ATRNL1: variants seen among roughly 807,000 people sequenced by gnomAD.
ATRNL1 encodes the protein attractin like 1, also known as attractin-like protein 1.
ATRNL1 carries 95 observed loss-of-function variants against 182.7 expected under a neutral mutation model. The observed-to-expected ratio is 0.52, with a 90% CI of 0.44 to 0.62. The LOEUF (loss-of-function observed/expected upper bound fraction) is 0.62. Ranked by LOEUF, ATRNL1 falls within the 20% of genes least tolerant of loss-of-function variation. The pLI, the probability that ATRNL1 is intolerant of heterozygous loss-of-function variation, is 0.00. For missense variants in ATRNL1, 1,471 were observed against 1,679.5 expected (o/e 0.88, Z 2.17); for synonymous variants, 576 against 568.3 (o/e 1.01, Z -0.19).
At chr10:115,146,666 C>G (rs1275321066) in intron 5 of ATRNL1, among the ~76,000 whole-genome samples, 1 of 152,060 alleles carries the variant, frequency 6.6e-6, no homozygotes, top group African/African-American at 2.4e-5. Flanking sequence ...TATTCTATAC[C>G]TCCATGAGAT....
chr10:115,813,165 A>T (rs1555087519), intron 27 of ATRNL1, among the ~76,000 whole-genome samples: 3 of 152,072 alleles, frequency 2.0e-5, no homozygotes, highest in Non-Finnish European at 4.4e-5. Flanking sequence ...GCACAACAAC[A>T]TGGCACATGT....
At chr10:115,305,341 T>A (rs1370178683) in intron 17 of ATRNL1, among the ~76,000 whole-genome samples, 3 of 152,310 alleles carry the variant, frequency 2.0e-5, no homozygotes, top group Non-Finnish European at 4.4e-5. Context: ...GTTCATTTGT[T>A]CCTTCAGGCT....
chr10:115,122,378 G>A (rs781840829), intron 3 of ATRNL1, among the ~76,000 whole-genome samples: 17 of 151,696 alleles, frequency 1.1e-4, no homozygotes, highest in East Asian at 9.6e-4. Context: ...ATCTTTTCTT[G>A]TGTATGTTTA....
chr10:115,732,539 CTA>C (rs1947829611), intron 27 of ATRNL1, among the ~76,000 whole-genome samples: 1 of 152,198 alleles, frequency 6.6e-6, no homozygotes, highest in Non-Finnish European at 1.5e-5. Flanking sequence ...TTTACATACA[CTA>C]TCTCAATCTC....
At chr10:115,792,093 A>G (rs1468436186) in intron 27 of ATRNL1, among the ~76,000 whole-genome samples, 1 of 152,106 alleles carries the variant, frequency 6.6e-6, no homozygotes, top group Non-Finnish European at 1.5e-5. Flanking sequence ...TTCACAGATG[A>G]TCTCACTTTG....
At chr10:115,578,804 A>AG (rs1555006239) in intron 26 of ATRNL1, among the ~76,000 whole-genome samples, 1 of 151,318 alleles carries the variant, frequency 6.6e-6, no homozygotes, top group East Asian at 1.9e-4. Context: ...TAGTTTCTTG[A>AG]GGTGAGGTAT....
At chr10:115,160,251 G>T in intron 6 of ATRNL1, 37 bp downstream of exon 6, 2 of 1,539,138 alleles carry the variant, frequency 1.3e-6, no homozygotes, top group African/African-American at 1.4e-5. Flanking sequence ...TGTTTTTTAA[G>T]CTGGATTTTT....
At position 115,153,743 on chromosome 10, in the gene ATRNL1, T is replaced by C. The variant is rs1169027867; in HGVS notation, c.830-6297T>C. Among the ~76,000 whole-genome samples, 5 of 152,272 alleles carry C rather than the reference T, an allele frequency of 3.3e-5. 1 individual carries two copies. The highest frequency in any genetic ancestry group is 1.2e-4 in the African/African-American group (5 of 41,554). On this transcript the variant is annotated intron_variant, in intron 5 of 28. Coordinates refer to ENST00000355044, the MANE Select transcript of ATRNL1 (RefSeq NM_207303.4). The stretch of plus-strand genomic sequence containing the variant: ...TTCAGTTCTGCTCTGATCTTAGTTA[T>C]TTCTTGTCTTCTGCTAGCTTTTGAA...
intron 14 of ATRNL1, among the ~76,000 whole-genome samples, chr10:115,282,300 C>T (rs1852404976): frequency 6.7e-6 from 1 of 148,568 alleles, no homozygotes; most frequent in Non-Finnish European, 1.5e-5. Flanking sequence ...GGTACATGTG[C>T]ACAATGTGCA....
intron 15 of ATRNL1, among the ~76,000 whole-genome samples, chr10:115,298,230 T>G (rs1853303061): frequency 6.6e-6 from 1 of 152,152 alleles, no homozygotes; most frequent in Non-Finnish European, 1.5e-5. Context: ...TATAGAGATA[T>G]CTTGGGTCAA....
intron 26 of ATRNL1, among the ~76,000 whole-genome samples, chr10:115,596,868 G>T (rs1265213067): frequency 6.6e-6 from 1 of 151,762 alleles, no homozygotes; most frequent in East Asian, 1.9e-4. Context: ...TTATCAAATA[G>T]GACTAGTTAT....
intron 28 of ATRNL1, among the ~76,000 whole-genome samples, chr10:115,901,526 T>TTTTTTG (rs1370522892): frequency 5.4e-4 from 82 of 152,200 alleles, no homozygotes; most frequent in Non-Finnish European, 1.1e-3. Context: ...GGGTTTTTTG[T>TTTTTTG]TTTTTGTTTT....
At chr10:115,664,848 G>A (rs782147467) in intron 26 of ATRNL1, among the ~76,000 whole-genome samples, 5 of 151,830 alleles carry the variant, frequency 3.3e-5, no homozygotes, top group African/African-American at 9.7e-5. Context: ...TTTATCCAGC[G>A]GTGAAAATCT....
chr10:115,479,859 A>G (rs1554973829), intron 24 of ATRNL1, among the ~76,000 whole-genome samples: 1 of 151,346 alleles, frequency 6.6e-6, no homozygotes, highest in African/African-American at 2.4e-5. Flanking sequence ...GAACTTAAGT[A>G]CTTTGTATTC....
chr10:115,395,461 A>G (rs1464427781), intron 20 of ATRNL1, among the ~76,000 whole-genome samples: 4 of 151,968 alleles, frequency 2.6e-5, no homozygotes, highest in Non-Finnish European at 5.9e-5. Context: ...TATCTTTTGC[A>G]TTTCTAGAAA....
At chr10:115,774,988 T>C (rs1949087464) in intron 27 of ATRNL1, among the ~76,000 whole-genome samples, 2 of 152,312 alleles carry the variant, frequency 1.3e-5, no homozygotes, top group South Asian at 4.1e-4. Flanking sequence ...CATAAGACAT[T>C]AGCTAAGAAA....
At chr10:115,854,504 C>T (rs1951133544) in intron 28 of ATRNL1, among the ~76,000 whole-genome samples, 1 of 152,214 alleles carries the variant, frequency 6.6e-6, no homozygotes, top group Non-Finnish European at 1.5e-5. Flanking sequence ...TTTACCTCTC[C>T]ACTCACTTAG....
chr10:115,153,673 T>A (rs1432266105), intron 5 of ATRNL1, among the ~76,000 whole-genome samples: 1 of 152,138 alleles, frequency 6.6e-6, no homozygotes, highest in Non-Finnish European at 1.5e-5. Context: ...CTCCTGCTCC[T>A]GGATTCATTG....
At chr10:115,284,762 A>G (rs569060922) in intron 14 of ATRNL1, among the ~76,000 whole-genome samples, 4 of 152,312 alleles carry the variant, frequency 2.6e-5, no homozygotes, top group South Asian at 2.1e-4. Flanking sequence ...AGAAGAAGGT[A>G]TGAGAATATA....
Sources: gnomAD v4.1 joint callset for allele counts (sites outside exome capture counted in the v4.1 genomes callset) on GRCh38, gnomAD v4.1.1 for gene constraint, MANE v1.5 for transcripts, NCBI Gene and HGNC (gene_info 2026-07-23, HGNC 2026-07-21) for gene names.